Variants in KDM5B observed in about 807,000 individuals in gnomAD.
KDM5B encodes the protein lysine demethylase 5B.
A neutral mutation model predicts 193.4 loss-of-function variants in KDM5B; 144 were observed. That is an observed-to-expected ratio of 0.74 (90% CI 0.65 to 0.86). The LOEUF is 0.86. Ranked by LOEUF, KDM5B falls within the 40% of genes least tolerant of loss-of-function variation. The pLI, the probability that KDM5B is intolerant of heterozygous loss-of-function variation, is 0.00. For synonymous variants in KDM5B, 668 were observed against 682.6 expected (o/e 0.98, Z 0.33); for missense variants, 1,833 against 1,886.9 (o/e 0.97, Z 0.53).
Position 202,728,429 on chromosome 1 carries a change from G to GTTTGT in KDM5B, c.*602_*606dup, listed in dbSNP as rs920661954. 2 of 152,830 alleles carry GTTTGT rather than the reference G, an allele frequency of 1.3e-5. No individual in the cohort carries two copies. Among genetic ancestry groups the GTTTGT allele is most frequent in the African/African-American group, 2.4e-5 (1 of 41,454 alleles). The allele number at this position is 152,830 out of a possible 1,614,324, so 9.5% of individuals were successfully genotyped here. A position where few individuals can be genotyped will look rare whatever the true frequency, so the allele number is the denominator to read the frequency against. On this transcript the variant is annotated 3_prime_UTR_variant, in exon 27 of 27. Transcript: ENST00000367265. ...TAAAGCACCAACACACTGTTTGGAAGTTTGTTTTGTTTTGTTTTAATTCCA... is the reference window on the plus strand; with the variant it reads ...TAAAGCACCAACACACTGTTTGGAAGTTTGTTTTGTTTTGTTTTGTTTTAATTCCA...
intron 14 of KDM5B, 85 bp from the exon 15 acceptor site, chr1:202,746,408 T>TG (rs979298930): frequency 4.3e-4 from 298 of 690,584 alleles, no homozygotes; most frequent in Non-Finnish European, 4.8e-4. Flanking sequence ...TACTTGAGTC[T>TG]GAAAAAAAAA....
chr1:202,803,668 A>C (rs954308712), intron 1 of KDM5B, among the ~76,000 whole-genome samples: 1 of 152,098 alleles, frequency 6.6e-6, no homozygotes, highest in African/African-American at 2.4e-5. Context: ...TACTAAAAAT[A>C]CAAAGTTAGC....
intron 1 of KDM5B, among the ~76,000 whole-genome samples, chr1:202,804,422 TC>T (rs1217437712): frequency 6.6e-6 from 1 of 152,006 alleles, no homozygotes; most frequent in Non-Finnish European, 1.5e-5. Flanking sequence ...CCTAAGTCGA[TC>T]AAACCCCAAA....
Position 202,731,074 on chromosome 1 carries a change from C to G in KDM5B, c.4022-11G>C, listed in dbSNP as rs746256053. The G allele has an allele frequency of 4.4e-6, 7 of 1,582,394 alleles. No individual in the cohort carries two copies. In the African/African-American group the frequency reaches 9.5e-5, roughly 21 times the overall value. On this transcript the variant is annotated splice_polypyrimidine_tract_variant and intron_variant, in intron 24 of 26. Transcript: ENST00000367265. ...CTTCTGGACTAACACCTGTAAAAGACCAGACCAAATCAAAATGATAACAAC... is the reference window on the plus strand; with the variant it reads ...CTTCTGGACTAACACCTGTAAAAGAGCAGACCAAATCAAAATGATAACAAC...
chr1:202,774,895 C>T (rs1656875400), intron 2 of KDM5B, among the ~76,000 whole-genome samples, 160 bp from the exon 3 acceptor site: 1 of 152,224 alleles, frequency 6.6e-6, no homozygotes, highest in African/African-American at 2.4e-5. Flanking sequence ...ATACCACTTT[C>T]TAAATTCAGT....
intron 5 of KDM5B, among the ~76,000 whole-genome samples, chr1:202,765,580 C>A (rs1185918378): frequency 1.3e-5 from 2 of 152,162 alleles, no homozygotes; most frequent in African/African-American, 4.8e-5. Context: ...AGAACTGATT[C>A]ATAGATTAAT....
intron 2 of KDM5B, 116 bp downstream of exon 2, chr1:202,776,895 TCAAATA>T (rs1656980702): frequency 2.7e-6 from 2 of 734,132 alleles, no homozygotes; most frequent in African/African-American, 3.5e-5. Context: ...TCTTATTTGC[TCAAATA>T]CAAATCTAAA....
At position 202,750,749 on chromosome 1, in the gene KDM5B, C is replaced by A; in HGVS notation, c.1731G>T (p.Glu577Asp). 1 of 1,614,012 alleles carries A rather than the reference C, an allele frequency of 6.2e-7. No individual in the cohort carries two copies. ...AGGCTCTTGGAAATGTAATCACAAA[C>A]TCCCCAGCACACTGATTAGTTCGGT... Reference protein sequence around the residue: ...PVYRTNQCAGEFVITFPRAYH... With the variant: ...PVYRTNQCAGDFVITFPRAYH... The change falls in exon 13 of 27, where the codon GAG (glutamate) becomes GAT (aspartate). Residue 577 changes from glutamate (E) to aspartate (D), a missense_variant. By Grantham distance (45) the Glu-to-Asp change is conservative. This residue lies in a region of KDM5B where 1,379 missense variants were observed against 1,349.6 expected (regional missense o/e 1.02). Transcript: ENST00000367265.
intron 16 of KDM5B, among the ~76,000 whole-genome samples, chr1:202,744,197 A>G (rs536401973): frequency 6.6e-6 from 1 of 152,362 alleles, no homozygotes; most frequent in African/African-American, 2.4e-5. Context: ...AAAAGAAGAC[A>G]TACGTATGGC....
chr1:202,803,531 A>G (rs1340480745), intron 1 of KDM5B, among the ~76,000 whole-genome samples: 1 of 152,202 alleles, frequency 6.6e-6, no homozygotes, highest in East Asian at 1.9e-4. Flanking sequence ...GCTTTAAGGT[A>G]GACATTTGTG....
At chr1:202,742,887 T>C (rs1655404306) in intron 16 of KDM5B, 82 bp from the exon 17 acceptor site, 2 of 1,079,570 alleles carry the variant, frequency 1.9e-6, no homozygotes, top group East Asian at 4.8e-5. Context: ...AGACTGGTTT[T>C]GTCAGTTCTT....
chr1:202,726,659 TACA>T lies in KDM5B; in HGVS notation c.*2374_*2376del, dbSNP rs1654684450. On this transcript the variant is annotated 3_prime_UTR_variant, in exon 27 of 27. Coordinates refer to ENST00000367265, the MANE Select transcript of KDM5B (RefSeq NM_006618.5). ...CCATGTGCATTTTATCATTTTCCCC[TACA>T]AGTTCAGAGGTTTCTCTGGTACAGG... 6.6e-6 allele frequency: 1 copy of T among 152,228 alleles called. No individual in the cohort carries two copies. Among genetic ancestry groups the T allele is most frequent in the Non-Finnish European group, 1.5e-5 (1 of 68,042 alleles). 9.4% of individuals were successfully genotyped at this position (152,228 alleles called of 1,614,324 possible).
At chr1:202,793,928 T>G (rs1657739196) in intron 1 of KDM5B, among the ~76,000 whole-genome samples, 1 of 152,174 alleles carries the variant, frequency 6.6e-6, no homozygotes, top group Admixed American at 6.5e-5. Context: ...ACCCATACTC[T>G]ACCACAAATC....
chr1:202,786,194 G>GT (rs1657406056), intron 1 of KDM5B, among the ~76,000 whole-genome samples: 1 of 87,086 alleles, frequency 1.1e-5, no homozygotes, highest in Non-Finnish European at 2.5e-5. Context: ...CGGGGGGTGG[G>GT]GGGGGGGGTC....
intron 1 of KDM5B, among the ~76,000 whole-genome samples, chr1:202,793,087 T>A (rs1049439327): frequency 1.2e-4 from 18 of 152,038 alleles, no homozygotes; most frequent in Non-Finnish European, 2.6e-4. Context: ...CCATTATATA[T>A]TAAATTAGAA....
At chr1:202,788,936 T>A (rs989306334) in intron 1 of KDM5B, among the ~76,000 whole-genome samples, 1 of 152,136 alleles carries the variant, frequency 6.6e-6, no homozygotes, top group African/African-American at 2.4e-5. Flanking sequence ...ATGATCTGTC[T>A]GTCAGGGGGA....
At chr1:202,797,824 C>T (rs952957056) in intron 1 of KDM5B, among the ~76,000 whole-genome samples, 3 of 152,248 alleles carry the variant, frequency 2.0e-5, no homozygotes, top group Admixed American at 6.5e-5. Context: ...ATAAGACACA[C>T]AAATGCACCT....
At chr1:202,768,620 T>G (rs1218680582) in intron 4 of KDM5B, among the ~76,000 whole-genome samples, 1 of 152,066 alleles carries the variant, frequency 6.6e-6, no homozygotes, top group African/African-American at 2.4e-5. Flanking sequence ...TAACAAGTAA[T>G]AAATCTACCA....
At chr1:202,776,947 A>T in intron 2 of KDM5B, 70 bp downstream of exon 2, 1 of 950,650 alleles carries the variant, frequency 1.1e-6, no homozygotes, top group South Asian at 1.4e-5. Context: ...AACAATTTTA[A>T]TATATCGTAA....
Sources: gnomAD v4.1 joint callset for allele counts (sites outside exome capture counted in the v4.1 genomes callset) on GRCh38, gnomAD v4.1.1 for gene constraint, gnomAD v4.1.1 regional missense constraint, MANE v1.5 for transcripts, NCBI Gene and HGNC (gene_info 2026-07-23, HGNC 2026-07-21) for gene names.